PCDH15: variants seen among roughly 807,000 people sequenced by gnomAD.
The protein encoded by PCDH15 is protocadherin related 15, also known as protocadherin-15.
Under a neutral mutation model 178.5 loss-of-function variants are expected in PCDH15, and 129 were observed. That is an observed-to-expected ratio of 0.72 (90% CI 0.63 to 0.84). PCDH15 has a LOEUF of 0.84. PCDH15 is among the 40% of genes least tolerant of loss of function. The probability of loss-of-function intolerance (pLI) is 0.00; values close to 1 mark genes in which losing one functional copy is unlikely to be tolerated. For synonymous variants in PCDH15, 800 were observed against 732.0 expected, an observed-to-expected ratio of 1.09 and a Z score of -1.50; for missense variants, 2,230 against 2,099.9, an observed-to-expected ratio of 1.06 and a Z score of -1.21.
At chr10:55,189,837 A>C (rs1839896441) in intron 1 of PCDH15, among the ~76,000 whole-genome samples, 1 of 151,826 alleles carries the variant, frequency 6.6e-6, no homozygotes, top group South Asian at 2.1e-4. Flanking sequence ...CTTGGTTCAA[A>C]TACTTAGAAA....
At chr10:53,965,484 T>TA (rs561045627) in intron 21 of PCDH15, among the ~76,000 whole-genome samples, 1 of 152,212 alleles carries the variant, frequency 6.6e-6, no homozygotes, top group Non-Finnish European at 1.5e-5. Flanking sequence ...CGAAGTCTTT[T>TA]AATAACAAAT....
intron 2 of PCDH15, among the ~76,000 whole-genome samples, chr10:54,931,906 A>C (rs1051539469): frequency 2.0e-5 from 3 of 152,170 alleles, no homozygotes; most frequent in African/African-American, 7.2e-5. Context: ...AAGAGTTGCT[A>C]CTTAACCCTA....
intron 2 of PCDH15, among the ~76,000 whole-genome samples, chr10:54,536,589 CATCAGGT>C (rs2084554015): frequency 6.6e-6 from 1 of 152,136 alleles, no homozygotes; most frequent in Non-Finnish European, 1.5e-5. Context: ...TTGATTCCAT[CATCAGGT>C]AATGAGCACA....
chr10:55,523,690 T>C (rs1187082591), intron 2 of PCDH15, among the ~76,000 whole-genome samples: 1 of 151,630 alleles, frequency 6.6e-6, no homozygotes, highest in Non-Finnish European at 1.5e-5. Flanking sequence ...TGATTTAATC[T>C]CTATTTCCAT....
intron 32 of PCDH15, among the ~76,000 whole-genome samples, chr10:53,824,030 A>C (rs1458580054): frequency 6.6e-6 from 1 of 152,074 alleles, no homozygotes; most frequent in Non-Finnish European, 1.5e-5. Context: ...AATCAGGAAA[A>C]ATTGTTTTAA....
At chr10:54,827,571 C>T (rs1271390429) in intron 3 of PCDH15, among the ~76,000 whole-genome samples, 1 of 152,100 alleles carries the variant, frequency 6.6e-6, no homozygotes, top group Non-Finnish European at 1.5e-5. Flanking sequence ...AGTACACAGT[C>T]TTTTAAATCA....
intron 18 of PCDH15, among the ~76,000 whole-genome samples, chr10:54,051,028 T>C (rs538874131): frequency 3.3e-5 from 5 of 152,340 alleles, no homozygotes; most frequent in African/African-American, 1.2e-4. Flanking sequence ...AGGATGTGTG[T>C]GCTTCCCCTT....
At chr10:55,180,439 G>A (rs542317449) in intron 1 of PCDH15, among the ~76,000 whole-genome samples, 1 of 152,176 alleles carries the variant, frequency 6.6e-6, no homozygotes, top group East Asian at 1.9e-4. Flanking sequence ...TAAGGTAGAA[G>A]CAAATTTATT....
intron 15 of PCDH15, among the ~76,000 whole-genome samples, chr10:54,123,246 G>A (rs951403496): frequency 5.9e-5 from 9 of 152,024 alleles, no homozygotes; most frequent in African/African-American, 2.2e-4. Context: ...CTACAGAACA[G>A]GAGAGAATAT....
At chr10:54,183,724 G>T in intron 12 of PCDH15, 131 bp from the exon 13 acceptor site, 3 of 1,024,494 alleles carry the variant, frequency 2.9e-6, no homozygotes, top group Non-Finnish European at 3.0e-6. Flanking sequence ...ATATTTTGTT[G>T]ATAAAAGGAC....
chr10:55,086,414 T>A (rs74136347), intron 2 of PCDH15, among the ~76,000 whole-genome samples: 6 of 152,078 alleles, frequency 3.9e-5, no homozygotes, highest in African/African-American at 1.2e-4. Flanking sequence ...AAGTAAATTA[T>A]CCATAGTCAA....
At chr10:54,609,490 T>G (rs571462667) in intron 2 of PCDH15, among the ~76,000 whole-genome samples, 1 of 152,172 alleles carries the variant, frequency 6.6e-6, no homozygotes, top group East Asian at 1.9e-4. Flanking sequence ...ATAATTTATG[T>G]TTTGAGAATA....
chr10:54,713,668 T>C (rs2095448093), intron 1 of PCDH15, among the ~76,000 whole-genome samples: 1 of 152,116 alleles, frequency 6.6e-6, no homozygotes, highest in African/African-American at 2.4e-5. Flanking sequence ...CACTTAAATA[T>C]TTCCTGACAA....
chr10:55,346,940 C>T lies in PCDH15; in HGVS notation c.-155-180289G>A, dbSNP rs192385550. 2.1e-4 allele frequency among the ~76,000 whole-genome samples: 32 copies of T among 151,938 alleles called. No homozygotes were observed. The East Asian group carries it at 3.9e-3, about 18-fold the overall frequency. On this transcript the variant is annotated intron_variant, in intron 2 of 5. Coordinates refer to the PCDH15 transcript ENST00000613346. ...GGTAAAAAGATTAAAGTGAGTTGGG[C>T]GCGGTGACTCACACATGTAATCCCA...
chr10:54,751,111 T>C (rs1164601589), intron 1 of PCDH15, among the ~76,000 whole-genome samples: 1 of 152,158 alleles, frequency 6.6e-6, no homozygotes, highest in Non-Finnish European at 1.5e-5. Flanking sequence ...AAACTGTTAG[T>C]ATTAATACTA....
intron 1 of PCDH15, among the ~76,000 whole-genome samples, chr10:54,729,032 A>G (rs140870037): frequency 6.6e-6 from 1 of 151,764 alleles, no homozygotes; most frequent in African/African-American, 2.4e-5. Flanking sequence ...ATTCCATTCA[A>G]ACTACCAATG....
rs980354872 is a variant in PCDH15, at chr10:54,318,396, G to A, written c.706-955C>T. 5.9e-5 allele frequency among the ~76,000 whole-genome samples: 9 copies of A among 152,264 alleles called. No individual in the cohort carries two copies. The East Asian group carries it at 1.7e-3, about 29-fold the overall frequency. The stretch of plus-strand genomic sequence containing the variant: ...CAGCCATTTTTTCTATTAGAGATCA[G>A]TTCAGATCTAGTCTGTATTCTGGTC... On this transcript the variant is annotated intron_variant, in intron 7 of 37. Coordinates refer to ENST00000644397, the MANE Select transcript of PCDH15 (RefSeq NM_001384140.1).
rs528020299 is a variant in PCDH15, at chr10:54,445,879, T to A, written c.158-66937A>T. Among the ~76,000 whole-genome samples the A allele has an allele frequency of 9.2e-5, 14 of 151,794 alleles. No individual in the cohort carries two copies. The South Asian group carries it at 1.0e-3, about 11-fold the overall frequency. ...TTCTTTTCCAAAAGGACTTAATTCA[T>A]ATCTCTTTTCCATACCTATCTTCAT... On this transcript the variant is annotated intron_variant, in intron 3 of 37. Transcript: ENST00000644397.
At chr10:54,970,337 C>T (rs1315886006) in intron 2 of PCDH15, among the ~76,000 whole-genome samples, 1 of 152,038 alleles carries the variant, frequency 6.6e-6, no homozygotes, top group Admixed American at 6.6e-5. Context: ...ATAATAAACA[C>T]CTAGAAAAAT....
Sources: gnomAD v4.1 joint callset for allele counts (sites outside exome capture counted in the v4.1 genomes callset) on GRCh38, gnomAD v4.1.1 for gene constraint, MANE v1.5 for transcripts, NCBI Gene and HGNC (gene_info 2026-07-23, HGNC 2026-07-21) for gene names.